Variants in TLE1 observed in about 807,000 individuals in gnomAD.
TLE1 encodes the protein transducin-like enhancer protein 1.
A neutral mutation model predicts 89.8 loss-of-function variants in TLE1; 21 were observed. The ratio of observed to expected loss-of-function variants is 0.23; its 90% CI spans 0.17 to 0.34. The LOEUF is 0.34. TLE1 is among the 10% of genes least tolerant of loss of function. The pLI, the probability that TLE1 is intolerant of heterozygous loss-of-function variation, is 1.00. For missense variants in TLE1, 795 were observed against 1,031.2 expected (o/e 0.77, Z 3.14); for synonymous variants, 447 against 407.6 (o/e 1.10, Z -1.16).
chr9:81,596,733 A>T (rs1029934781), intron 14 of TLE1, among the ~76,000 whole-genome samples: 7 of 152,224 alleles, frequency 4.6e-5, no homozygotes, highest in Non-Finnish European at 1.5e-5. Context: ...GGCAAAATTC[A>T]TCTGCAGTAT....
At chr9:81,676,641 G>A (rs1832939412) in intron 4 of TLE1, among the ~76,000 whole-genome samples, 1 of 152,216 alleles carries the variant, frequency 6.6e-6, no homozygotes, top group Non-Finnish European at 1.5e-5. Context: ...AGCAGGCTAT[G>A]AGGGACAAAG....
At chr9:81,656,040 A>C (rs1830116780) in intron 4 of TLE1, among the ~76,000 whole-genome samples, 1 of 152,200 alleles carries the variant, frequency 6.6e-6, no homozygotes, top group Non-Finnish European at 1.5e-5. Context: ...ACAAGGTTAC[A>C]GACAGACCAT....
intron 5 of TLE1, among the ~76,000 whole-genome samples, 198 bp from the exon 6 acceptor site, chr9:81,652,486 T>C (rs1034015518): frequency 6.6e-6 from 1 of 152,154 alleles, no homozygotes; most frequent in Non-Finnish European, 1.5e-5. Flanking sequence ...CCTTTATTTC[T>C]AAACAACACC....
chr9:81,606,098 G>A (rs549545114), intron 14 of TLE1, among the ~76,000 whole-genome samples: 8 of 152,106 alleles, frequency 5.3e-5, no homozygotes, highest in African/African-American at 9.7e-5. Context: ...TTAGAATGGC[G>A]ATCATTAAAA....
intron 6 of TLE1, among the ~76,000 whole-genome samples, chr9:81,639,232 T>C (rs1424876998): frequency 6.7e-6 from 1 of 149,610 alleles, no homozygotes; most frequent in East Asian, 2.0e-4. Context: ...GGCCACAGCT[T>C]GGCTAATTTT....
intron 14 of TLE1, among the ~76,000 whole-genome samples, chr9:81,603,279 G>A (rs1019988382): frequency 1.3e-5 from 2 of 152,064 alleles, no homozygotes; most frequent in African/African-American, 4.8e-5. Context: ...GTAGCCTCAG[G>A]GTCTACAATT....
rs567611306 is a variant in TLE1 at position 81,681,170 on chromosome 9, G to A, written c.234+4506C>T. Among the ~76,000 whole-genome samples, 5 of 152,242 alleles carry A rather than the reference G, an allele frequency of 3.3e-5. No individual in the cohort carries two copies. The South Asian group carries it at 1.0e-3, about 32-fold the overall frequency. Reference sequence around the variant, plus strand: ...GTTGCTTGCTGAAATATCACATGGAGCTCTTTCCCTTTCCCAACCAGGATT... The same window carrying A: ...GTTGCTTGCTGAAATATCACATGGAACTCTTTCCCTTTCCCAACCAGGATT... On this transcript the variant is annotated intron_variant, in intron 4 of 19. Transcript: ENST00000376499.
intron 6 of TLE1, among the ~76,000 whole-genome samples, chr9:81,648,169 G>A (rs1035067511): frequency 2.6e-5 from 4 of 151,354 alleles, no homozygotes; most frequent in Non-Finnish European, 4.4e-5. Flanking sequence ...CTACTCGGGC[G>A]GCTGAGGCAG....
intron 4 of TLE1, among the ~76,000 whole-genome samples, chr9:81,664,696 C>A (rs1831236671): frequency 6.8e-6 from 1 of 147,608 alleles, no homozygotes; most frequent in Non-Finnish European, 1.5e-5. Context: ...AACTCAATCT[C>A]TCTTTTAATT....
chr9:81,587,938 G>GTGTGTGTGTA, intron 16 of TLE1, 110 bp from the exon 17 acceptor site: 1 of 1,111,420 alleles, frequency 9.0e-7, no homozygotes, highest in African/African-American at 1.7e-5. Context: ...GTGTGTGTGT[G>GTGTGTGTGTA]TGTGTGTGAT....
intron 6 of TLE1, among the ~76,000 whole-genome samples, chr9:81,648,359 G>A (rs1588115223): frequency 6.6e-6 from 1 of 151,768 alleles, no homozygotes; most frequent in African/African-American, 2.4e-5. Context: ...CTTTCTTTAG[G>A]AGAAGGGGAA....
intron 6 of TLE1, among the ~76,000 whole-genome samples, chr9:81,641,213 A>T (rs1317219258): frequency 1.1e-5 from 1 of 88,822 alleles, no homozygotes; most frequent in Non-Finnish European, 2.2e-5. Context: ...CAAAATAAAT[A>T]AATAAATAAA....
At chr9:81,587,905 A>AGCGTGTGTGTGTGTGTGTGTGTCAT in intron 16 of TLE1, 77 bp from the exon 17 acceptor site, 5 of 407,244 alleles carry the variant, frequency 1.2e-5, no homozygotes, top group African/African-American at 1.3e-4. Context: ...TTAGTTTTGG[A>AGCGTGTGTGTGTGTGTGTGTGTCAT]CCGTGTGTGT....
intron 4 of TLE1, among the ~76,000 whole-genome samples, chr9:81,682,764 C>T (rs574166253): frequency 6.6e-6 from 1 of 152,226 alleles, no homozygotes; most frequent in African/African-American, 2.4e-5. Context: ...CATTGTCTAC[C>T]TCTACTGTAT....
At chr9:81,676,043 A>G (rs1487315760) in intron 4 of TLE1, among the ~76,000 whole-genome samples, 1 of 152,132 alleles carries the variant, frequency 6.6e-6, no homozygotes, top group Non-Finnish European at 1.5e-5. Flanking sequence ...TCTGAATTCC[A>G]TGGACTTGTT....
At chr9:81,676,325 A>G (rs888773062) in intron 4 of TLE1, among the ~76,000 whole-genome samples, 1 of 152,190 alleles carries the variant, frequency 6.6e-6, no homozygotes, top group African/African-American at 2.4e-5. Context: ...CGGAGCAAGG[A>G]AAGAAGCACA....
At chr9:81,663,496 G>T (rs1831076022) in intron 4 of TLE1, among the ~76,000 whole-genome samples, 1 of 152,164 alleles carries the variant, frequency 6.6e-6, no homozygotes, top group African/African-American at 2.4e-5. Flanking sequence ...CAGGGCTGCA[G>T]CAGCACAAGG....
intron 14 of TLE1, 106 bp from the exon 15 acceptor site, chr9:81,593,380 G>T (rs1829809951): frequency 7.3e-7 from 1 of 1,379,256 alleles, no homozygotes; most frequent in Non-Finnish European, 9.7e-7. Context: ...AAAAAGGAAA[G>T]ATTCTCTTGT....
At chr9:81,663,094 C>T (rs750108197) in intron 4 of TLE1, among the ~76,000 whole-genome samples, 62 of 152,230 alleles carry the variant, frequency 4.1e-4, no homozygotes, top group Non-Finnish European at 5.3e-4. Context: ...TATCCACACG[C>T]CTCGGCCCCC....
Sources: gnomAD v4.1 joint callset for allele counts (sites outside exome capture counted in the v4.1 genomes callset) on GRCh38, gnomAD v4.1.1 for gene constraint, MANE v1.5 for transcripts, NCBI Gene and HGNC (gene_info 2026-07-23, HGNC 2026-07-21) for gene names.